The following PDE1C variants were observed in gnomAD, a reference collection of about 807,000 sequenced individuals.
PDE1C encodes the protein phosphodiesterase 1C.
Under a neutral mutation model 93.1 loss-of-function variants are expected in PDE1C, and 62 were observed. That is an observed-to-expected ratio of 0.67 (90% CI 0.54 to 0.82). PDE1C has a LOEUF of 0.82. PDE1C is among the 40% of genes least tolerant of loss of function. The pLI, the probability that PDE1C is intolerant of heterozygous loss-of-function variation, is 0.00. For synonymous variants in PDE1C, 325 were observed against 310.1 expected, an observed-to-expected ratio of 1.05 and a Z score of -0.50; for missense variants, 742 against 884.6, an observed-to-expected ratio of 0.84 and a Z score of 2.04.
At chr7:31,872,020 A>G (rs1796005777) in intron 6 of PDE1C, among the ~76,000 whole-genome samples, 1 of 139,038 alleles carries the variant, frequency 7.2e-6, no homozygotes, top group South Asian at 2.5e-4. Flanking sequence ...TTGGTATACA[A>G]CCATAATGGA....
chr7:32,405,947 A>G (rs1000130394), intron 1 of PDE1C, among the ~76,000 whole-genome samples: 1 of 152,198 alleles, frequency 6.6e-6, no homozygotes, highest in Non-Finnish European at 1.5e-5. Context: ...TCCCTCACGC[A>G]TTAGAGCAAT....
chr7:31,959,987 T>G (rs1429709065), intron 2 of PDE1C, among the ~76,000 whole-genome samples: 1 of 151,812 alleles, frequency 6.6e-6, no homozygotes. Context: ...TGCCTCAGCC[T>G]CCTATATAGC....
At chr7:31,772,265 C>T (rs1795540566) in intron 17 of PDE1C, among the ~76,000 whole-genome samples, 1 of 152,160 alleles carries the variant, frequency 6.6e-6, no homozygotes. Flanking sequence ...GTCCTTCCAT[C>T]TCTCTAGGCC....
At chr7:31,628,232 C>T in the PDE1C span, among the ~76,000 whole-genome samples, 1 of 152,140 alleles carries the variant, frequency 6.6e-6, no homozygotes, top group Non-Finnish European at 1.5e-5. Context: ...CCTACTCCTA[C>T]CGGTGCCTCC....
chr7:31,691,121 C>T, the PDE1C span, among the ~76,000 whole-genome samples: 4 of 152,170 alleles, frequency 2.6e-5, no homozygotes, highest in African/African-American at 9.7e-5. Flanking sequence ...GAATTGATTT[C>T]TTCTGAAGTC....
At chr7:32,260,603 G>A (rs1810131441) in intron 1 of PDE1C, among the ~76,000 whole-genome samples, 1 of 152,162 alleles carries the variant, frequency 6.6e-6, no homozygotes, top group Non-Finnish European at 1.5e-5. Context: ...AATTATAACT[G>A]AGGAAATTAT....
rs76234770 is a variant in PDE1C at position 32,383,849 on chromosome 7, C to A, written c.310+43973G>T. On this transcript the variant is annotated intron_variant, in intron 1 of 1. Transcript: ENST00000672256. ...CCTTTGGAGTCCGCTCCAACTCTTACAATCAGTGAAAGCCTTGGCAAGTTG... is the reference window on the plus strand; with the variant it reads ...CCTTTGGAGTCCGCTCCAACTCTTAAAATCAGTGAAAGCCTTGGCAAGTTG... Among the ~76,000 whole-genome samples the A allele has an allele frequency of 6.5e-3, 994 of 152,332 alleles. 16 individuals carry two copies. Among genetic ancestry groups the A allele is most frequent in the African/African-American group, 0.023 (949 of 41,588 alleles).
the PDE1C span, among the ~76,000 whole-genome samples, chr7:31,638,178 T>C: frequency 1.3e-5 from 2 of 152,174 alleles, no homozygotes; most frequent in African/African-American, 4.8e-5. Context: ...CCACAGTTGA[T>C]ATAAGGAGGA....
chr7:31,970,220 G>T (rs867757023), intron 2 of PDE1C, among the ~76,000 whole-genome samples: 4 of 152,128 alleles, frequency 2.6e-5, no homozygotes, highest in Admixed American at 1.3e-4. Flanking sequence ...CAAAACAAAC[G>T]AGCTGACATA....
chr7:31,813,993 C>T (rs745539115), intron 15 of PDE1C, among the ~76,000 whole-genome samples: 2 of 151,586 alleles, frequency 1.3e-5, no homozygotes, highest in Non-Finnish European at 2.9e-5. Context: ...TATTTCATTC[C>T]TTTTTATGGC....
intron 7 of PDE1C, among the ~76,000 whole-genome samples, chr7:31,852,625 T>A (rs1231120154): frequency 6.6e-6 from 1 of 152,066 alleles, no homozygotes; most frequent in African/African-American, 2.4e-5. Context: ...TATCCCCACT[T>A]GACAGATAAG....
At chr7:31,904,061 C>T (rs866306967) in intron 2 of PDE1C, among the ~76,000 whole-genome samples, 2 of 152,090 alleles carry the variant, frequency 1.3e-5, no homozygotes, top group African/African-American at 4.8e-5. Flanking sequence ...GAACAGTGAA[C>T]TTTGGCTGGT....
At chr7:32,280,128 A>G (rs1007525562) in intron 1 of PDE1C, among the ~76,000 whole-genome samples, 4 of 152,214 alleles carry the variant, frequency 2.6e-5, no homozygotes, top group African/African-American at 9.6e-5. Flanking sequence ...GGTCTGGTTG[A>G]GTTTTTAACA....
At chr7:31,880,501 T>C (rs1408926359) in intron 3 of PDE1C, among the ~76,000 whole-genome samples, 1 of 152,218 alleles carries the variant, frequency 6.6e-6, no homozygotes, top group Non-Finnish European at 1.5e-5. Context: ...TTCTCCTCTT[T>C]CATGATCTCA....
chr7:31,883,935 T>C (rs1797568054), intron 2 of PDE1C, among the ~76,000 whole-genome samples: 1 of 152,254 alleles, frequency 6.6e-6, no homozygotes, highest in South Asian at 2.1e-4. Context: ...TGTGAAGTTC[T>C]GACCCAACAG....
At chr7:32,368,453 GA>G (rs1295066099) in intron 1 of PDE1C, among the ~76,000 whole-genome samples, 25 of 152,116 alleles carry the variant, frequency 1.6e-4, no homozygotes, top group African/African-American at 5.3e-4. Context: ...CCAAGGAAGT[GA>G]AAGACTTCTA....
intron 3 of PDE1C, among the ~76,000 whole-genome samples, chr7:32,155,858 T>C (rs1158513540): frequency 1.3e-5 from 2 of 152,158 alleles, no homozygotes; most frequent in Non-Finnish European, 2.9e-5. Flanking sequence ...GTGTTCCCAC[T>C]ACACCCATCA....
At chr7:31,944,369 G>A (rs571016969) in intron 2 of PDE1C, among the ~76,000 whole-genome samples, 13 of 152,278 alleles carry the variant, frequency 8.5e-5, no homozygotes, top group South Asian at 8.3e-4. Context: ...CTTCCTCAAA[G>A]AGCCTGGATG....
upstream of PDE1C, chr7:32,071,142 C>T: frequency 1.0e-6 from 1 of 985,420 alleles, no homozygotes; most frequent in Non-Finnish European, 1.2e-6. Context: ...GGCACACTCA[C>T]CCCCGCAGGG....
Sources: gnomAD v4.1 joint callset for allele counts (sites outside exome capture counted in the v4.1 genomes callset) on GRCh38, gnomAD v4.1.1 for gene constraint, MANE v1.5 for transcripts, NCBI Gene and HGNC (gene_info 2026-07-23, HGNC 2026-07-21) for gene names.